Variants in PRKAG2 observed in about 807,000 individuals in gnomAD.
The protein encoded by PRKAG2 is 5'-AMP-activated protein kinase subunit gamma-2.
In PRKAG2, 26 loss-of-function variants were observed where a neutral mutation model predicts 69.6. The observed-to-expected ratio is 0.37, with a 90% CI of 0.27 to 0.52. The LOEUF (loss-of-function observed/expected upper bound fraction) is 0.52, where lower values mean the gene tolerates loss of function less well. Ranked by LOEUF, PRKAG2 falls within the 20% of genes least tolerant of loss-of-function variation. The probability of loss-of-function intolerance (pLI) is 0.90; values close to 1 mark genes in which losing one functional copy is unlikely to be tolerated. For synonymous variants in PRKAG2, 293 were observed against 285.0 expected, an observed-to-expected ratio of 1.03 and a Z score of -0.28; for missense variants, 557 against 740.0, an observed-to-expected ratio of 0.75 and a Z score of 2.87.
intron 3 of PRKAG2, among the ~76,000 whole-genome samples, chr7:151,732,133 CTTTTT>C (rs59078328): frequency 4.4e-4 from 42 of 94,848 alleles, no homozygotes; most frequent in East Asian, 1.2e-3. Context: ...CAGCACCTGG[CTTTTT>C]TTTTTTTTTT....
chr7:151,790,158 A>G (rs2077208175), intron 1 of PRKAG2, among the ~76,000 whole-genome samples: 1 of 152,058 alleles, frequency 6.6e-6, no homozygotes, highest in African/African-American at 2.4e-5. Flanking sequence ...GGCCCATAGC[A>G]ATGCAGGAAT....
At chr7:151,626,377 G>T (rs1404894044) in intron 5 of PRKAG2, among the ~76,000 whole-genome samples, 1 of 152,170 alleles carries the variant, frequency 6.6e-6, no homozygotes, top group Non-Finnish European at 1.5e-5. Flanking sequence ...ACAGAATAGG[G>T]CAATATGTTA....
At chr7:151,653,504 C>A (rs1358867081) in intron 4 of PRKAG2, among the ~76,000 whole-genome samples, 1 of 152,082 alleles carries the variant, frequency 6.6e-6, no homozygotes, top group African/African-American at 2.4e-5. Context: ...GGAAATGCAA[C>A]AGAGAAGCAA....
intron 3 of PRKAG2, among the ~76,000 whole-genome samples, chr7:151,711,546 A>G (rs1795324079): frequency 6.6e-6 from 1 of 152,248 alleles, no homozygotes; most frequent in African/African-American, 2.4e-5. Context: ...TTCAGAAAAT[A>G]GTCAAAGAGT....
In PRKAG2 at chr7:151,836,258, G is replaced by T. The variant is rs540387538; in HGVS notation, c.114+40249C>A. Among the ~76,000 whole-genome samples the T allele has an allele frequency of 6.6e-6, 1 of 152,238 alleles. No homozygotes were observed. Among genetic ancestry groups the T allele is most frequent in the South Asian group, 2.1e-4 (1 of 4,810 alleles). On this transcript the variant is annotated intron_variant, in intron 1 of 15. Coordinates refer to ENST00000287878, the MANE Select transcript of PRKAG2 (RefSeq NM_016203.4). The surrounding 1 kb of genome is among the most constrained non-coding windows in gnomAD (Gnocchi z 4.1). ...CTCGGGGGAGCAGGGGCTGCGTCAG[G>T]ACCCCCTTTCTGCCACCCCCAGCAC...
chr7:151,866,064 GTTAT>G (rs1210665678), intron 1 of PRKAG2, among the ~76,000 whole-genome samples: 19 of 152,154 alleles, frequency 1.2e-4, no homozygotes, highest in African/African-American at 4.3e-4. Flanking sequence ...GAGAAGACAG[GTTAT>G]TTATTTTTGA....
intron 4 of PRKAG2, among the ~76,000 whole-genome samples, chr7:151,639,062 C>T (rs552834743): frequency 6.6e-6 from 1 of 152,324 alleles, no homozygotes; most frequent in South Asian, 2.1e-4. Context: ...GCAGCTCCAA[C>T]CCACCACTGT....
chr7:151,708,453 C>A (rs138691548), intron 3 of PRKAG2, among the ~76,000 whole-genome samples: 9 of 152,168 alleles, frequency 5.9e-5, no homozygotes, highest in Non-Finnish European at 1.3e-4. Flanking sequence ...GTAAATGTAC[C>A]AGTATCTTCT....
chr7:151,776,656 C>A (rs1230691270), intron 3 of PRKAG2, among the ~76,000 whole-genome samples: 1 of 152,252 alleles, frequency 6.6e-6, no homozygotes, highest in African/African-American at 2.4e-5. Context: ...AGGAAAAAAG[C>A]AATTCACAGG....
At position 151,758,664 on chromosome 7, in the gene PRKAG2, A is replaced by T. The variant is rs185106364; in HGVS notation, c.466+22488T>A. On this transcript the variant is annotated intron_variant, in intron 3 of 15. Transcript: ENST00000287878. The stretch of plus-strand genomic sequence containing the variant: ...TTCCAAACCCCGAAGGCACTGATAG[A>T]CCTGGGGGGATGAGGAGGTATGAAC... 3.1e-3 allele frequency among the ~76,000 whole-genome samples: 469 copies of T among 152,316 alleles called. 2 individuals are homozygous for T. The highest frequency in any genetic ancestry group is 5.8e-3 in the Admixed American group (88 of 15,298).
chr7:151,716,652 G>A (rs1462324221), intron 3 of PRKAG2, among the ~76,000 whole-genome samples: 1 of 152,102 alleles, frequency 6.6e-6, no homozygotes, highest in Non-Finnish European at 1.5e-5. Context: ...GGAAACTGAG[G>A]CTTAGACATA....
intron 6 of PRKAG2, among the ~76,000 whole-genome samples, chr7:151,580,800 G>A (rs1253503655): frequency 1.4e-5 from 2 of 145,788 alleles, no homozygotes; most frequent in Admixed American, 6.8e-5. Flanking sequence ...GGAAGGGAGG[G>A]TAGTGGGGGT....
rs75532717 is a variant in PRKAG2 at position 151,840,776 on chromosome 7, G to A, written c.114+35731C>T. On this transcript the variant is annotated intron_variant, in intron 1 of 15. Coordinates refer to ENST00000287878, the MANE Select transcript of PRKAG2 (RefSeq NM_016203.4). ...TGCTTCTGATGGAGGGGTTTACACCGGAGCGAGGAGCTGCCCACCCGAGTC... is the reference window on the plus strand; with the variant it reads ...TGCTTCTGATGGAGGGGTTTACACCAGAGCGAGGAGCTGCCCACCCGAGTC... 5.4e-3 allele frequency among the ~76,000 whole-genome samples: 817 copies of A among 152,356 alleles called. 10 individuals are homozygous for A. The highest frequency in any genetic ancestry group is 0.017 in the African/African-American group (689 of 41,578).
intron 3 of PRKAG2, among the ~76,000 whole-genome samples, chr7:151,718,612 CA>C (rs35143182): frequency 0.2 from 14,553 of 74,620 alleles, 1,512 homozygotes; most frequent in African/African-American, 0.38. Context: ...CCCCAGGATG[CA>C]AAAAAAAAAA....
chr7:151,779,382 C>T (rs1290286552), intron 3 of PRKAG2, among the ~76,000 whole-genome samples: 1 of 152,180 alleles, frequency 6.6e-6, no homozygotes, highest in African/African-American at 2.4e-5. Context: ...TGCAGGGACC[C>T]TCCTCCTCCT....
chr7:151,824,354 T>C (rs542203857), intron 1 of PRKAG2, among the ~76,000 whole-genome samples: 1 of 152,330 alleles, frequency 6.6e-6, no homozygotes, highest in South Asian at 2.1e-4. Context: ...TCTAAGAAGA[T>C]ACAGAAGTGA....
At chr7:151,832,702 C>T (rs910113897) in intron 1 of PRKAG2, among the ~76,000 whole-genome samples, 2 of 151,938 alleles carry the variant, frequency 1.3e-5, no homozygotes, top group Non-Finnish European at 1.5e-5. Flanking sequence ...GGGCCGCTCT[C>T]GGGTACTCTC....
At chr7:151,703,748 T>C (rs1838109887) in intron 3 of PRKAG2, among the ~76,000 whole-genome samples, 1 of 151,988 alleles carries the variant, frequency 6.6e-6, no homozygotes, top group South Asian at 2.1e-4. Context: ...CTTATGCCTG[T>C]AATCCCAGCA....
In PRKAG2 at chr7:151,828,757, C is replaced by CA. The variant is rs113813563; in HGVS notation, c.115-42217dup. ...ACAACACAGCGAGACCCTGTCTTTA[C>CA]AAAAAAAAAAAAAACTTTAAAAGTC... On this transcript the variant is annotated intron_variant, in intron 1 of 15. Coordinates refer to ENST00000287878, the MANE Select transcript of PRKAG2 (RefSeq NM_016203.4). This position sits in a 1 kb window ranked among gnomAD's most constrained non-coding sequence, Gnocchi z 4.6. Among the ~76,000 whole-genome samples, 2,033 of 109,134 alleles carry CA rather than the reference C, an allele frequency of 0.019. 24 individuals carry two copies. The highest frequency in any genetic ancestry group is 0.045 in the East Asian group (181 of 4,018). 71.6% of individuals were successfully genotyped at this position (109,134 alleles called of 152,430 possible).
Sources: gnomAD v4.1 joint callset for allele counts (sites outside exome capture counted in the v4.1 genomes callset) on GRCh38, gnomAD v4.1.1 for gene constraint, Gnocchi (gnomAD v3.1) non-coding constraint, MANE v1.5 for transcripts, NCBI Gene and HGNC (gene_info 2026-07-23, HGNC 2026-07-21) for gene names.